Variants in FNDC3A observed in about 807,000 individuals in gnomAD.
FNDC3A encodes fibronectin type-III domain-containing protein 3A.
Under a neutral mutation model 148.9 loss-of-function variants are expected in FNDC3A, and 32 were observed. That is an observed-to-expected ratio of 0.21 (90% CI 0.16 to 0.29). The LOEUF is 0.29. Ranked by LOEUF, FNDC3A falls within the 10% of genes least tolerant of loss-of-function variation. The pLI is 1.00. For synonymous variants in FNDC3A, 472 were observed against 473.6 expected (o/e 1.00, Z 0.04); for missense variants, 1,191 against 1,452.8 (o/e 0.82, Z 2.93).
intron 2 of FNDC3A, among the ~76,000 whole-genome samples, chr13:49,066,016 C>A (rs943162043): frequency 2.6e-5 from 4 of 152,106 alleles, no homozygotes; most frequent in African/African-American, 9.7e-5. Flanking sequence ...TTCTCCTACT[C>A]AACAAAGATT....
intron 3 of FNDC3A, among the ~76,000 whole-genome samples, chr13:49,090,861 G>A (rs773239080): frequency 1.3e-5 from 2 of 152,142 alleles, no homozygotes; most frequent in African/African-American, 2.4e-5. Flanking sequence ...AGGCATGGTG[G>A]TGTATGCCTG....
chr13:49,130,363 A>G (rs559382909), intron 4 of FNDC3A, among the ~76,000 whole-genome samples: 1 of 152,262 alleles, frequency 6.6e-6, no homozygotes, highest in Non-Finnish European at 1.5e-5. Flanking sequence ...GGTCATGGTC[A>G]TAAGAATTTT....
Position 49,207,115 on chromosome 13 carries a change from C to T in FNDC3A, c.3317C>T (p.Ser1106Phe), listed in dbSNP as rs1886684937. ...GGTCCCGACTCTTCCTTCCGGTATT[C>T]CAGCCTTCAGCTGAACTGTGAATAT... is the stretch of plus-strand genomic sequence containing the variant. ...YKGPDSSFRY[S>F]SLQLNCEYRF... is the part of the protein sequence containing the mutation. Residue 1106 changes from serine to phenylalanine, a missense_variant, in exon 26 of 26, where the codon TCC becomes TTC. This residue lies in a region of FNDC3A where 751 missense variants were observed against 944.0 expected (regional missense o/e 0.80). Transcript: ENST00000492622. 6.2e-7 allele frequency: 1 copy of T among 1,614,110 alleles called. No homozygotes were observed. Among genetic ancestry groups the T allele is most frequent in the African/African-American group, 1.3e-5 (1 of 75,064 alleles).
rs1316538398 is a variant in FNDC3A at position 49,208,764 on chromosome 13, C to CT, written c.*1375dup. 1.3e-5 allele frequency: 2 copies of CT among 152,520 alleles called. No individual in the cohort carries two copies. Among genetic ancestry groups the CT allele is most frequent in the Non-Finnish European group, 2.9e-5 (2 of 67,994 alleles). The allele number at this position is 152,520 out of a possible 1,614,324, so 9.4% of individuals were successfully genotyped here. On this transcript the variant is annotated 3_prime_UTR_variant, in exon 26 of 26. Coordinates refer to ENST00000492622, the MANE Select transcript of FNDC3A (RefSeq NM_001079673.2). ...TTATCCGTAAAACACCTGTAACTAG[C>CT]TTTTTTAATTTATTATTTGAATTTT...
intron 2 of FNDC3A, among the ~76,000 whole-genome samples, chr13:49,027,023 T>C (rs1053166326): frequency 2.6e-5 from 4 of 152,120 alleles, no homozygotes; most frequent in African/African-American, 9.7e-5. Flanking sequence ...GATAGTTTTT[T>C]TTTTAGAGAA....
intron 14 of FNDC3A, among the ~76,000 whole-genome samples, chr13:49,179,008 C>G (rs1030076923): frequency 2.6e-5 from 4 of 152,152 alleles, no homozygotes; most frequent in African/African-American, 9.6e-5. Context: ...ATTACAGACA[C>G]AAGCCACTGC....
chr13:49,162,646 C>T (rs922779992), intron 8 of FNDC3A, among the ~76,000 whole-genome samples: 2 of 152,150 alleles, frequency 1.3e-5, no homozygotes, highest in Non-Finnish European at 2.9e-5. Context: ...CTGTTTTGTT[C>T]CCGTTGCTGG....
chr13:49,037,012 T>A (rs1270150846), intron 2 of FNDC3A, among the ~76,000 whole-genome samples: 1 of 152,164 alleles, frequency 6.6e-6, no homozygotes, highest in Non-Finnish European at 1.5e-5. Flanking sequence ...AAAGGATCAG[T>A]ATAGGAAAAT....
chr13:49,181,295 G>A (rs2138078515), intron 14 of FNDC3A, among the ~76,000 whole-genome samples: 1 of 152,316 alleles, frequency 6.6e-6, no homozygotes, highest in African/African-American at 2.4e-5. Context: ...CTATATTCTG[G>A]CTTATTAAGA....
intron 2 of FNDC3A, among the ~76,000 whole-genome samples, chr13:49,055,504 C>A (rs183169290): frequency 5.9e-5 from 9 of 152,050 alleles, no homozygotes; most frequent in African/African-American, 1.9e-4. Flanking sequence ...TCAACACAGA[C>A]CTTAAATTTG....
At chr13:49,150,963 A>T (rs1285146211) in intron 8 of FNDC3A, among the ~76,000 whole-genome samples, 1 of 151,572 alleles carries the variant, frequency 6.6e-6, no homozygotes, top group Non-Finnish European at 1.5e-5. Flanking sequence ...AAAAAAAAAA[A>T]ATTGTTGAGA....
chr13:49,181,951 T>C (rs1245566387), intron 14 of FNDC3A, among the ~76,000 whole-genome samples: 1 of 152,070 alleles, frequency 6.6e-6, no homozygotes, highest in Non-Finnish European at 1.5e-5. Context: ...AAAATTTAAA[T>C]GATAAAGAAG....
At chr13:49,138,187 G>T (rs766904430) in intron 6 of FNDC3A, among the ~76,000 whole-genome samples, 1 of 152,052 alleles carries the variant, frequency 6.6e-6, no homozygotes, top group Non-Finnish European at 1.5e-5. Flanking sequence ...AACTGTTCAT[G>T]ACTTATATAT....
At position 49,204,700 on chromosome 13, in the gene FNDC3A, G is replaced by T. The variant is rs61949510; in HGVS notation, c.3282+1416G>T. On this transcript the variant is annotated intron_variant, in intron 25 of 25. Coordinates refer to ENST00000492622, the MANE Select transcript of FNDC3A (RefSeq NM_001079673.2). ...TGAGTAGTATATGAATAACCTTAAGGCTTGTTTGAATGACTTTTCTTGGGT... is the reference window on the plus strand; with the variant it reads ...TGAGTAGTATATGAATAACCTTAAGTCTTGTTTGAATGACTTTTCTTGGGT... Among the ~76,000 whole-genome samples, 1,193 of 152,230 alleles carry T rather than the reference G, an allele frequency of 7.8e-3. 11 individuals are homozygous for T. The highest frequency in any genetic ancestry group is 0.012 in the Non-Finnish European group (833 of 68,016).
chr13:49,083,484 C>T lies in FNDC3A; in HGVS notation c.175+8120C>T, dbSNP rs76339266. The stretch of plus-strand genomic sequence containing the variant: ...CAGATGGTGGTGTATGCTGGTTAGA[C>T]GGTATTCTTTTAACATGTTTAAAAG... On this transcript the variant is annotated intron_variant, in intron 3 of 25. Transcript: ENST00000492622. 2.1e-4 allele frequency among the ~76,000 whole-genome samples: 32 copies of T among 151,918 alleles called. No individual in the cohort carries two copies. In the East Asian group the frequency reaches 4.6e-3, roughly 22 times the overall value.
chr13:49,050,789 G>A (rs1875779793), intron 2 of FNDC3A, among the ~76,000 whole-genome samples: 1 of 152,076 alleles, frequency 6.6e-6, no homozygotes, highest in Admixed American at 6.6e-5. Context: ...CATTTCTTAG[G>A]TCCAGTAGTA....
rs756118017 is a variant in FNDC3A, at chr13:49,006,161, G to A, written c.-30G>A. ...TATGTTTGTTTTTCAGAATTGGAGC[G>A]TTATTCAGTATATTAATGTCTTATT... On this transcript the variant is annotated 5_prime_UTR_variant, in exon 2 of 26. Transcript: ENST00000492622. 2.2e-5 allele frequency: 27 copies of A among 1,224,314 alleles called. 1 individual carries two copies. The highest frequency in any genetic ancestry group is 4.8e-4 in the Middle Eastern group (2 of 4,158). 75.8% of individuals were successfully genotyped at this position (1,224,314 alleles called of 1,614,324 possible).
chr13:49,076,092 T>C (rs1268746316), intron 3 of FNDC3A, among the ~76,000 whole-genome samples: 2 of 151,922 alleles, frequency 1.3e-5, no homozygotes, highest in Non-Finnish European at 2.9e-5. Flanking sequence ...AGGGACAAAA[T>C]TGGCTCCAGT....
At chr13:49,096,842 T>C (rs1000788345) in intron 3 of FNDC3A, among the ~76,000 whole-genome samples, 2 of 152,124 alleles carry the variant, frequency 1.3e-5, no homozygotes, top group East Asian at 3.9e-4. Context: ...TGAGCAAGCA[T>C]AGGGAAGTCA....
Sources: gnomAD v4.1 joint callset for allele counts (sites outside exome capture counted in the v4.1 genomes callset) on GRCh38, gnomAD v4.1.1 for gene constraint, gnomAD v4.1.1 regional missense constraint, MANE v1.5 for transcripts, NCBI Gene and HGNC (gene_info 2026-07-23, HGNC 2026-07-21) for gene names.